BCKDHB: variants seen among roughly 807,000 people sequenced by gnomAD.
The protein encoded by BCKDHB is 2-oxoisovalerate dehydrogenase subunit beta, mitochondrial.
A neutral mutation model predicts 48.5 loss-of-function variants in BCKDHB; 41 were observed. That is an observed-to-expected ratio of 0.85 (90% CI 0.66 to 1.10). BCKDHB has a LOEUF of 1.10. Ranked by LOEUF, BCKDHB falls within the 50% of genes least tolerant of loss-of-function variation. The pLI is 0.00. For synonymous variants in BCKDHB, 201 were observed against 174.8 expected, an observed-to-expected ratio of 1.15 and a Z score of -1.18; for missense variants, 496 against 494.2, an observed-to-expected ratio of 1.00 and a Z score of -0.03.
At chr6:80,407,234 T>C in the BCKDHB span, among the ~76,000 whole-genome samples, 2 of 152,226 alleles carry the variant, frequency 1.3e-5, no homozygotes, top group Non-Finnish European at 2.9e-5. Context: ...TCGATAACAA[T>C]ACCATGCTGT....
At chr6:80,364,584 T>C in the BCKDHB span, among the ~76,000 whole-genome samples, 3 of 152,214 alleles carry the variant, frequency 2.0e-5, no homozygotes, top group South Asian at 6.2e-4. Flanking sequence ...AGACTCTCAC[T>C]TTTTTCTTCG....
At chr6:80,252,215 A>G (rs78253424) in intron 8 of BCKDHB, among the ~76,000 whole-genome samples, 8,661 of 152,228 alleles carry the variant, frequency 0.057, 817 homozygotes, top group African/African-American at 0.2. Flanking sequence ...TGCAAAGTCT[A>G]TGCTGAAGTT....
chr6:80,112,767 C>T (rs1371378656), intron 1 of BCKDHB, among the ~76,000 whole-genome samples: 1 of 152,202 alleles, frequency 6.6e-6, no homozygotes, highest in Non-Finnish European at 1.5e-5. Context: ...CCGGGGTGTT[C>T]CCCTTTGGGA....
intron 8 of BCKDHB, among the ~76,000 whole-genome samples, chr6:80,205,115 T>G (rs542233010): frequency 6.6e-6 from 1 of 152,184 alleles, no homozygotes; most frequent in South Asian, 2.1e-4. Context: ...ACCTCTCCTG[T>G]TTTCTTTTGA....
At chr6:80,198,460 A>G (rs1774233714) in intron 6 of BCKDHB, among the ~76,000 whole-genome samples, 1 of 152,216 alleles carries the variant, frequency 6.6e-6, no homozygotes, top group Admixed American at 6.5e-5. Flanking sequence ...TTATTTAAAC[A>G]TATTAATCAT....
intron 3 of BCKDHB, among the ~76,000 whole-genome samples, chr6:80,132,865 A>G (rs745429018): frequency 4.6e-5 from 7 of 152,346 alleles, no homozygotes; most frequent in Admixed American, 1.3e-4. Flanking sequence ...TTTTTCTTGC[A>G]TATTTAAAAA....
Position 80,343,880 on chromosome 6 carries a change from C to A in BCKDHB, c.*76C>A. Reference sequence around the variant, plus strand: ...TAACGTACTGTTAACCAAGACACAGCAATCATCAGTGTTTTGATGGTAACA... The same window carrying A: ...TAACGTACTGTTAACCAAGACACAGAAATCATCAGTGTTTTGATGGTAACA... On this transcript the variant is annotated 3_prime_UTR_variant, in exon 10 of 10. Coordinates refer to ENST00000320393, the MANE Select transcript of BCKDHB (RefSeq NM_183050.4). 1 of 1,536,360 alleles carries A rather than the reference C, an allele frequency of 6.5e-7. No individual in the cohort carries two copies.
chr6:80,381,312 A>G, the BCKDHB span, among the ~76,000 whole-genome samples: 1 of 152,146 alleles, frequency 6.6e-6, no homozygotes, highest in South Asian at 2.1e-4. Context: ...CATGTTTTGA[A>G]ACTTCTGACC....
chr6:80,342,499 T>A (rs1769958007), intron 9 of BCKDHB, among the ~76,000 whole-genome samples: 1 of 123,028 alleles, frequency 8.1e-6, no homozygotes, highest in South Asian at 2.6e-4. Context: ...GGCTAGGGGA[T>A]CACTTGAGCC....
chr6:80,335,367 G>GA (rs1769533407), intron 9 of BCKDHB, among the ~76,000 whole-genome samples: 1 of 151,936 alleles, frequency 6.6e-6, no homozygotes, highest in Non-Finnish European at 1.5e-5. Flanking sequence ...TTCATGAGAT[G>GA]ACCCAGTGCT....
At chr6:80,314,240 G>T (rs766298208) in intron 9 of BCKDHB, among the ~76,000 whole-genome samples, 1 of 152,204 alleles carries the variant, frequency 6.6e-6, no homozygotes, top group African/African-American at 2.4e-5. Flanking sequence ...TTCTATTTGG[G>T]TAGAGAGTTC....
chr6:80,163,097 A>G (rs10943695), intron 3 of BCKDHB, among the ~76,000 whole-genome samples: 3 of 151,574 alleles, frequency 2.0e-5, no homozygotes, highest in African/African-American at 7.2e-5. Flanking sequence ...TAATGTTTTT[A>G]TTGTATTTTT....
chr6:80,293,861 A>G (rs924450297), intron 9 of BCKDHB, among the ~76,000 whole-genome samples: 5 of 152,196 alleles, frequency 3.3e-5, no homozygotes, highest in African/African-American at 9.6e-5. Context: ...GGCAGGAGCA[A>G]AATACCACCA....
chr6:80,403,679 A>G, the BCKDHB span, among the ~76,000 whole-genome samples: 1 of 151,932 alleles, frequency 6.6e-6, no homozygotes, highest in Non-Finnish European at 1.5e-5. Context: ...AAAGCTTTCA[A>G]ATTTTCACCT....
chr6:80,415,134 A>G, the BCKDHB span, among the ~76,000 whole-genome samples: 1 of 152,078 alleles, frequency 6.6e-6, no homozygotes, highest in Non-Finnish European at 1.5e-5. Flanking sequence ...AAACTTCAGC[A>G]AAGTTTATCA....
At chr6:80,161,656 A>G (rs1358383895) in intron 3 of BCKDHB, among the ~76,000 whole-genome samples, 2 of 152,130 alleles carry the variant, frequency 1.3e-5, no homozygotes, top group Admixed American at 6.5e-5. Flanking sequence ...CAGTGTCCAC[A>G]TGGATGGTCT....
At chr6:80,174,244 T>C (rs1164578333) in intron 6 of BCKDHB, among the ~76,000 whole-genome samples, 4 of 152,192 alleles carry the variant, frequency 2.6e-5, no homozygotes, top group Non-Finnish European at 5.9e-5. Flanking sequence ...GGTTCATGGA[T>C]GGACTAATAA....
At chr6:80,265,510 G>A (rs541112905) in intron 8 of BCKDHB, among the ~76,000 whole-genome samples, 1 of 152,156 alleles carries the variant, frequency 6.6e-6, no homozygotes, top group Admixed American at 6.6e-5. Context: ...CAGATTCATA[G>A]AGACAGAAAG....
chr6:80,321,694 G>C (rs1345356761), intron 9 of BCKDHB, among the ~76,000 whole-genome samples: 1 of 152,134 alleles, frequency 6.6e-6, no homozygotes, highest in Non-Finnish European at 1.5e-5. Context: ...ATGAAAAATA[G>C]TTTTAAGTGT....
Sources: allele counts gnomAD v4.1 joint callset (sites outside exome capture counted in the v4.1 genomes callset), GRCh38; gene constraint gnomAD v4.1.1; transcripts MANE v1.5; gene names NCBI Gene and HGNC (gene_info 2026-07-23, HGNC 2026-07-21).